RBM47: variants seen among roughly 807,000 people sequenced by gnomAD.
RBM47 encodes the protein RNA binding motif protein 47.
RBM47 carries 21 observed loss-of-function variants against 47.1 expected under a neutral mutation model. The ratio of observed to expected loss-of-function variants is 0.45; its 90% CI spans 0.32 to 0.64. RBM47 has a LOEUF of 0.64. RBM47 is among the 30% of genes least tolerant of loss of function. The pLI is 0.05. For missense variants in RBM47, 708 were observed against 870.9 expected (o/e 0.81, Z 2.35); for synonymous variants, 375 against 361.7 (o/e 1.04, Z -0.42).
intron 2 of RBM47, among the ~76,000 whole-genome samples, chr4:40,527,783 G>A (rs936150923): frequency 4.6e-5 from 7 of 150,960 alleles, no homozygotes; most frequent in East Asian, 3.9e-4. Flanking sequence ...GGGGGTGTAC[G>A]TTTTTATTTA....
chr4:40,461,557 AC>A (rs1437975524), intron 3 of RBM47, among the ~76,000 whole-genome samples: 11 of 152,210 alleles, frequency 7.2e-5, no homozygotes, highest in African/African-American at 2.2e-4. Flanking sequence ...GAGGACCTAA[AC>A]CAGTCCCTGT....
chr4:40,610,479 G>A (rs1194571546), intron 1 of RBM47, among the ~76,000 whole-genome samples: 6 of 151,662 alleles, frequency 4.0e-5, no homozygotes, highest in Middle Eastern at 3.2e-3. Context: ...GCTCGGTGGC[G>A]GGTGCCTGTA....
At chr4:40,581,594 T>C (rs1018765981) in intron 1 of RBM47, among the ~76,000 whole-genome samples, 1 of 151,676 alleles carries the variant, frequency 6.6e-6, no homozygotes, top group Admixed American at 6.6e-5. Context: ...GTTGATACAA[T>C]CTACTTGTGA....
chr4:40,487,342 C>T (rs1721235619), intron 2 of RBM47, among the ~76,000 whole-genome samples: 1 of 152,188 alleles, frequency 6.6e-6, no homozygotes. Flanking sequence ...GTCGCCCAGG[C>T]TGGAGTGCAG....
intron 2 of RBM47, among the ~76,000 whole-genome samples, chr4:40,534,691 T>C (rs1044607533): frequency 6.6e-6 from 1 of 152,028 alleles, no homozygotes; most frequent in East Asian, 1.9e-4. Context: ...TCCCAGCACT[T>C]TGGGAGGCCG....
chr4:40,430,371 G>A (rs1160880636), intron 6 of RBM47, among the ~76,000 whole-genome samples: 1 of 152,168 alleles, frequency 6.6e-6, no homozygotes, highest in African/African-American at 2.4e-5. Flanking sequence ...TGAAAGACAA[G>A]TGTTCATGAA....
chr4:40,505,572 G>A (rs892321471), intron 2 of RBM47, among the ~76,000 whole-genome samples: 4 of 150,522 alleles, frequency 2.7e-5, no homozygotes, highest in South Asian at 2.1e-4. Context: ...CCAAATCAAC[G>A]TTATTTCCTA....
At chr4:40,582,558 A>C (rs919402410) in intron 1 of RBM47, among the ~76,000 whole-genome samples, 2 of 152,110 alleles carry the variant, frequency 1.3e-5, no homozygotes, top group African/African-American at 4.8e-5. Flanking sequence ...AACAATAAAA[A>C]CAAAAACTAG....
At position 40,567,490 on chromosome 4, in the gene RBM47, A is replaced by G. The variant is rs1030067816; in HGVS notation, c.-239-22984T>C. The stretch of plus-strand genomic sequence containing the variant: ...TAGCCCAGCATCATAAAGCCCAGCC[A>G]TGACTTCAAGCCAGTTTAGTAAGAC... On this transcript the variant is annotated intron_variant, in intron 1 of 6. Transcript: ENST00000295971. 1.3e-5 allele frequency among the ~76,000 whole-genome samples: 2 copies of G among 152,070 alleles called. 1 individual carries two copies. The highest frequency in any genetic ancestry group is 2.9e-5 in the Non-Finnish European group (2 of 67,936).
chr4:40,464,157 A>G (rs959101645), intron 3 of RBM47, among the ~76,000 whole-genome samples: 8 of 152,250 alleles, frequency 5.3e-5, no homozygotes, highest in African/African-American at 1.9e-4. Context: ...AATGGTATAA[A>G]AATGGTCAAT....
At chr4:40,560,573 C>G (rs886527062) in intron 1 of RBM47, among the ~76,000 whole-genome samples, 1 of 152,238 alleles carries the variant, frequency 6.6e-6, no homozygotes, top group African/African-American at 2.4e-5. Context: ...GAGGTGACCT[C>G]CCCGACCCTC....
At chr4:40,468,057 G>T (rs1052325472) in intron 2 of RBM47, among the ~76,000 whole-genome samples, 1 of 152,192 alleles carries the variant, frequency 6.6e-6, no homozygotes, top group Non-Finnish European at 1.5e-5. Context: ...AGGTCAAGAT[G>T]AGTGGATCAC....
intron 1 of RBM47, among the ~76,000 whole-genome samples, chr4:40,578,909 G>A (rs900741331): frequency 2.6e-5 from 4 of 151,822 alleles, no homozygotes; most frequent in Non-Finnish European, 5.9e-5. Context: ...CTTGAGGTCA[G>A]GAGTTCAAGA....
At chr4:40,440,191 T>A (rs1713412957) in intron 3 of RBM47, among the ~76,000 whole-genome samples, 1 of 152,228 alleles carries the variant, frequency 6.6e-6, no homozygotes, top group Non-Finnish European at 1.5e-5. Context: ...CAGTTAAATT[T>A]ATAGAAAGTT....
intron 1 of RBM47, among the ~76,000 whole-genome samples, chr4:40,581,378 C>T (rs1379270786): frequency 1.3e-5 from 2 of 151,584 alleles, no homozygotes; most frequent in East Asian, 3.9e-4. Context: ...GCCGAGCTCA[C>T]ACCACTGCTT....
At chr4:40,430,757 G>A (rs886901378) in intron 6 of RBM47, among the ~76,000 whole-genome samples, 1 of 152,154 alleles carries the variant, frequency 6.6e-6, no homozygotes, top group Non-Finnish European at 1.5e-5. Context: ...CAGTTTGACC[G>A]AATTGGAATC....
chr4:40,542,515 T>G (rs1728648955), intron 2 of RBM47: 2 of 152,210 alleles, frequency 1.3e-5, no homozygotes, highest in African/African-American at 2.4e-5. Flanking sequence ...TTTATTTATT[T>G]ATTTTTTCGA....
chr4:40,474,729 T>C (rs1171914365), intron 2 of RBM47, among the ~76,000 whole-genome samples: 2 of 152,216 alleles, frequency 1.3e-5, no homozygotes, highest in African/African-American at 2.4e-5. Flanking sequence ...AAGCCACCTT[T>C]GGCAAAAAGC....
intron 2 of RBM47, among the ~76,000 whole-genome samples, chr4:40,501,274 T>C (rs1723324313): frequency 6.6e-6 from 1 of 152,240 alleles, no homozygotes; most frequent in Admixed American, 6.5e-5. Context: ...ACAAAGGTTG[T>C]AATAAAATTT....
Sources: gnomAD v4.1 joint callset for allele counts (sites outside exome capture counted in the v4.1 genomes callset) on GRCh38, gnomAD v4.1.1 for gene constraint, MANE v1.5 for transcripts, NCBI Gene and HGNC (gene_info 2026-07-23, HGNC 2026-07-21) for gene names.